CPLX2: variants seen among roughly 807,000 people sequenced by gnomAD.
The protein encoded by CPLX2 is complexin 2, also known as complexin-2.
A neutral mutation model predicts 16.3 loss-of-function variants in CPLX2; 5 were observed. That is an observed-to-expected ratio of 0.31 (90% confidence interval 0.16 to 0.64). CPLX2 has a LOEUF of 0.64. CPLX2 is among the 30% of genes least tolerant of loss of function. The probability of loss-of-function intolerance (pLI) is 0.79; values close to 1 mark genes in which losing one functional copy is unlikely to be tolerated. For missense variants in CPLX2, 144 were observed against 181.4 expected (o/e 0.79, Z 1.18); for synonymous variants, 89 against 73.2 (o/e 1.22, Z -1.10).
Position 175,809,710 on chromosome 5 carries a change from C to T in CPLX2, c.-89+642C>T, listed in dbSNP as rs1394919702. Reference sequence around the variant, plus strand: ...CCTCTTCCAGGTGGCCGGCCAAGCTCGGATCACACCCGGCATCCCTCATCC... The same window carrying T: ...CCTCTTCCAGGTGGCCGGCCAAGCTTGGATCACACCCGGCATCCCTCATCC... On this transcript the variant is annotated intron_variant, in intron 2 of 4. Transcript: ENST00000359546. This position sits in a 1 kb window ranked among gnomAD's most constrained non-coding sequence, Gnocchi z 4.4. Among the ~76,000 whole-genome samples the T allele has an allele frequency of 1.3e-5, 2 of 152,088 alleles. No homozygotes were observed. Among genetic ancestry groups the T allele is most frequent in the East Asian group, 1.9e-4 (1 of 5,176 alleles).
rs76939261 is a variant in CPLX2 at position 175,879,215 on chromosome 5, A to G, written c.207+132A>G. ...CCTAGTTCTGAGCCTCACTCTTCTC[A>G]TCAGCAAAACGGGTATCACAAGGTC... is the stretch of plus-strand genomic sequence containing the variant. On this transcript the variant is annotated intron_variant, in intron 3 of 3. Transcript: ENST00000393745. 507 of 990,188 alleles carry G rather than the reference A, an allele frequency of 5.1e-4. 4 individuals carry two copies. In the African/African-American group the frequency reaches 7.7e-3, roughly 15 times the overall value. The allele number at this position is 990,188 out of a possible 1,614,324, so 61.3% of individuals were successfully genotyped here. A position where few individuals can be genotyped will look rare whatever the true frequency, so the allele number is the denominator to read the frequency against.
intron 2 of CPLX2, among the ~76,000 whole-genome samples, chr5:175,824,417 G>T (rs1758570087): frequency 6.6e-6 from 1 of 152,190 alleles, no homozygotes; most frequent in South Asian, 2.1e-4. Flanking sequence ...CCCAGAGATA[G>T]AAGAGCCCCA....
At chr5:175,800,287 C>A (rs777805079) in intron 1 of CPLX2, among the ~76,000 whole-genome samples, 6 of 152,158 alleles carry the variant, frequency 3.9e-5, no homozygotes, top group Non-Finnish European at 8.8e-5. Flanking sequence ...GGCAGTGTCT[C>A]ACAAGTTTCC....
intron 2 of CPLX2, among the ~76,000 whole-genome samples, chr5:175,831,311 C>G (rs1053641035): frequency 2.0e-5 from 3 of 152,192 alleles, no homozygotes. Context: ...AAGGGGAAAT[C>G]GTAGCTCAGA....
intron 2 of CPLX2, among the ~76,000 whole-genome samples, chr5:175,850,332 G>T (rs1370180127): frequency 6.6e-6 from 1 of 152,182 alleles, no homozygotes; most frequent in Non-Finnish European, 1.5e-5. Flanking sequence ...TGGCTGTATG[G>T]AAAACGCAAG....
chr5:175,801,892 T>C (rs1758102540), intron 1 of CPLX2, among the ~76,000 whole-genome samples: 1 of 152,166 alleles, frequency 6.6e-6, no homozygotes. Context: ...TTGAAGACTT[T>C]TAAGCAGGGG....
intron 1 of CPLX2, among the ~76,000 whole-genome samples, chr5:175,806,740 C>T (rs1758212334): frequency 6.6e-6 from 1 of 151,832 alleles, no homozygotes; most frequent in Admixed American, 6.6e-5. Context: ...CTCAGGCGAT[C>T]CATCACCTCA....
At chr5:175,822,449 C>G (rs935617056) in intron 2 of CPLX2, among the ~76,000 whole-genome samples, 7 of 152,132 alleles carry the variant, frequency 4.6e-5, no homozygotes, top group Non-Finnish European at 1.0e-4. Flanking sequence ...ACCAATGAGA[C>G]AAAGGATGTG....
At chr5:175,847,254 G>A (rs546684532) in intron 2 of CPLX2, among the ~76,000 whole-genome samples, 5 of 152,310 alleles carry the variant, frequency 3.3e-5, no homozygotes, top group Admixed American at 2.0e-4. Context: ...TGGAGGAGCC[G>A]CGTGGGGGAG....
At chr5:175,865,953 T>A (rs1759468177) in intron 2 of CPLX2, among the ~76,000 whole-genome samples, 2 of 152,236 alleles carry the variant, frequency 1.3e-5, no homozygotes, top group South Asian at 4.1e-4. Context: ...ATTCTGTGAT[T>A]CTAAATGTGA....
At chr5:175,829,651 C>T (rs1758694203) in intron 2 of CPLX2, among the ~76,000 whole-genome samples, 1 of 152,196 alleles carries the variant, frequency 6.6e-6, no homozygotes, top group Non-Finnish European at 1.5e-5. Flanking sequence ...AACTTCCGGC[C>T]ACACAGAGTC....
chr5:175,811,369 G>A (rs946000347), intron 2 of CPLX2, among the ~76,000 whole-genome samples: 1 of 152,154 alleles, frequency 6.6e-6, no homozygotes, highest in African/African-American at 2.4e-5. Flanking sequence ...GGTTCCCTCA[G>A]CTCAAGAAAA....
rs146284357 is a variant in CPLX2 at position 175,878,960 on chromosome 5, C to G, written c.84C>G (p.Pro28=). ...KMLGGEEEKD[P]DAQKKEEERQ... ...TGGGGGGAGAGGAGGAGAAGGACCC[C>G]GACGCGCAGAAAAAGGAGGAGGAGC... Residue 28 remains proline, a synonymous_variant, in exon 3 of 4, where the codon CCC becomes CCG. Coordinates refer to ENST00000393745, the MANE Select transcript of CPLX2 (RefSeq NM_001008220.2). 1.9e-6 allele frequency: 3 copies of G among 1,610,798 alleles called. No homozygotes were observed. Among genetic ancestry groups the G allele is most frequent in the Non-Finnish European group, 1.7e-6 (2 of 1,178,658 alleles).
chr5:175,820,221 T>C (rs1758479577), intron 2 of CPLX2, among the ~76,000 whole-genome samples: 1 of 152,224 alleles, frequency 6.6e-6, no homozygotes, highest in Non-Finnish European at 1.5e-5. Context: ...TCCCTTCCTC[T>C]GGGCCTTGTG....
intron 2 of CPLX2, among the ~76,000 whole-genome samples, chr5:175,823,985 G>A (rs975027137): frequency 6.6e-6 from 1 of 152,082 alleles, no homozygotes; most frequent in Non-Finnish European, 1.5e-5. Flanking sequence ...GCACAGGCCT[G>A]GGGCTTGCTG....
chr5:175,865,666 C>T (rs1759461126), intron 2 of CPLX2, among the ~76,000 whole-genome samples: 1 of 152,184 alleles, frequency 6.6e-6, no homozygotes, highest in Admixed American at 6.5e-5. Flanking sequence ...TTCTATGGCT[C>T]CACGATCCAG....
intron 2 of CPLX2, among the ~76,000 whole-genome samples, chr5:175,833,110 C>T (rs1171336679): frequency 1.3e-5 from 2 of 150,108 alleles, no homozygotes; most frequent in Non-Finnish European, 2.9e-5. Flanking sequence ...GAGCTGAGAT[C>T]GCGCCACCGT....
chr5:175,800,660 C>A, intron 1 of CPLX2, among the ~76,000 whole-genome samples: 1 of 152,112 alleles, frequency 6.6e-6, no homozygotes, highest in East Asian at 1.9e-4. Flanking sequence ...TATGTAAGAT[C>A]CCAAAGGGAC....
intron 2 of CPLX2, among the ~76,000 whole-genome samples, chr5:175,810,297 C>A (rs1758288392): frequency 6.8e-6 from 1 of 147,030 alleles, no homozygotes; most frequent in African/African-American, 2.4e-5. Flanking sequence ...CCCAGTGTCA[C>A]ACAGAGAGTC....
Sources: gnomAD v4.1 joint callset for allele counts (sites outside exome capture counted in the v4.1 genomes callset) on GRCh38, gnomAD v4.1.1 for gene constraint, Gnocchi (gnomAD v3.1) non-coding constraint, MANE v1.5 for transcripts, NCBI Gene and HGNC (gene_info 2026-07-23, HGNC 2026-07-21) for gene names.